Variants in NR2F1-AS1 observed in about 807,000 individuals in gnomAD.
The protein encoded by NR2F1-AS1 is NR2F1 regulatory antisense RNA 1, also known as NR2F1 antisense RNA 1.
chr5:93,581,716 CT>C (rs1326641334), upstream of NR2F1-AS1, among the ~76,000 whole-genome samples: 4 of 69,048 alleles, frequency 5.8e-5, no homozygotes, highest in African/African-American at 2.3e-4. Flanking sequence ...CTCTCTCTCT[CT>C]CTCTCTCTCT....
intron 2 of NR2F1-AS1, among the ~76,000 whole-genome samples, chr5:93,558,478 G>A (rs539677303): frequency 1.3e-5 from 2 of 151,846 alleles, no homozygotes; most frequent in African/African-American, 2.4e-5. Flanking sequence ...GTGCCACCAC[G>A]CCCAGCTAAT....
At chr5:93,494,636 C>T (rs530736095) in intron 4 of NR2F1-AS1, among the ~76,000 whole-genome samples, 13 of 152,072 alleles carry the variant, frequency 8.5e-5, no homozygotes, top group Non-Finnish European at 1.5e-4. Context: ...AAGTTGGCAA[C>T]GATGTATAGA....
intron 1 of NR2F1-AS1, among the ~76,000 whole-genome samples, chr5:93,566,364 G>C (rs954030897): frequency 4.6e-5 from 7 of 151,932 alleles, no homozygotes; most frequent in Admixed American, 4.6e-4. Flanking sequence ...ATTAGCACAT[G>C]ACAATATTAG....
intron 4 of NR2F1-AS1, among the ~76,000 whole-genome samples, chr5:93,513,374 C>T (rs1414849360): frequency 3.9e-5 from 6 of 152,066 alleles, no homozygotes; most frequent in African/African-American, 1.4e-4. Context: ...GTATGTTCAT[C>T]GCAGCACCAT....
intron 4 of NR2F1-AS1, among the ~76,000 whole-genome samples, chr5:93,493,284 T>A (rs576769444): frequency 9.2e-5 from 14 of 152,142 alleles, no homozygotes; most frequent in African/African-American, 3.1e-4. Flanking sequence ...CAATTCCATT[T>A]ACAATAGCAC....
At chr5:93,567,470 CAAG>C (rs1487798561) in intron 1 of NR2F1-AS1, among the ~76,000 whole-genome samples, 2 of 152,120 alleles carry the variant, frequency 1.3e-5, no homozygotes, top group Admixed American at 6.5e-5. Flanking sequence ...TTTATTTTTA[CAAG>C]AAGAAGCTGA....
intron 4 of NR2F1-AS1, among the ~76,000 whole-genome samples, chr5:93,522,469 A>C (rs1221747476): frequency 6.6e-6 from 1 of 152,250 alleles, no homozygotes; most frequent in East Asian, 1.9e-4. Context: ...AAAATACAAC[A>C]ATTACTAAAA....
intron 4 of NR2F1-AS1, among the ~76,000 whole-genome samples, chr5:93,500,590 C>T (rs1424520931): frequency 1.3e-5 from 2 of 152,174 alleles, no homozygotes; most frequent in East Asian, 3.8e-4. Context: ...AATACAACAT[C>T]CATTCTGCAG....
chr5:93,515,773 A>T (rs1309412231), intron 4 of NR2F1-AS1, among the ~76,000 whole-genome samples: 1 of 151,948 alleles, frequency 6.6e-6, no homozygotes, highest in African/African-American at 2.4e-5. Context: ...ATAATGCCAG[A>T]AGATCTTTCT....
chr5:93,489,060 G>C (rs943797842), intron 4 of NR2F1-AS1, among the ~76,000 whole-genome samples: 1 of 152,088 alleles, frequency 6.6e-6, no homozygotes, highest in Non-Finnish European at 1.5e-5. Flanking sequence ...AGAACACATG[G>C]ACACAGTGGG....
At chr5:93,459,927 T>C (rs1314039622) in intron 4 of NR2F1-AS1, among the ~76,000 whole-genome samples, 3 of 152,172 alleles carry the variant, frequency 2.0e-5, no homozygotes, top group African/African-American at 7.2e-5. Flanking sequence ...GATTCTACCA[T>C]ATGAAAATGC....
chr5:93,419,504 T>C (rs540150419), intron 4 of NR2F1-AS1, among the ~76,000 whole-genome samples: 15 of 152,280 alleles, frequency 9.9e-5, no homozygotes, highest in African/African-American at 3.1e-4. Context: ...AACTATAGTG[T>C]GTGAAGACAG....
intron 4 of NR2F1-AS1, among the ~76,000 whole-genome samples, chr5:93,473,965 AATT>A (rs1460524115): frequency 2.0e-5 from 3 of 152,072 alleles, no homozygotes; most frequent in Non-Finnish European, 4.4e-5. Context: ...CTTTGTAAAT[AATT>A]ATAAATTATA....
intron 4 of NR2F1-AS1, among the ~76,000 whole-genome samples, chr5:93,420,348 C>A (rs1357833780): frequency 6.6e-6 from 1 of 152,210 alleles, no homozygotes; most frequent in Non-Finnish European, 1.5e-5. Flanking sequence ...CCCACTTATT[C>A]ACCCCAAATT....
At chr5:93,461,984 TAAC>T (rs1750104619) in intron 4 of NR2F1-AS1, among the ~76,000 whole-genome samples, 2 of 152,210 alleles carry the variant, frequency 1.3e-5, no homozygotes, top group Non-Finnish European at 1.5e-5. Context: ...ACAAGTTCAA[TAAC>T]AATACCACCA....
intron 4 of NR2F1-AS1, among the ~76,000 whole-genome samples, chr5:93,466,770 A>G (rs1750241810): frequency 6.6e-6 from 1 of 152,160 alleles, no homozygotes; most frequent in Admixed American, 6.5e-5. Context: ...TCAAGTACTC[A>G]TTATGAAGGC....
intron 4 of NR2F1-AS1, among the ~76,000 whole-genome samples, chr5:93,490,123 A>G (rs551497339): frequency 1.2e-4 from 18 of 152,326 alleles, no homozygotes; most frequent in Non-Finnish European, 2.6e-4. Context: ...CTTGCTTGTT[A>G]AATAAATGAA....
chr5:93,549,472 T>C (rs1357556106), intron 4 of NR2F1-AS1, among the ~76,000 whole-genome samples: 1 of 152,162 alleles, frequency 6.6e-6, no homozygotes, highest in Non-Finnish European at 1.5e-5. Context: ...GCAGTACAAT[T>C]CTATGGTCCT....
intron 4 of NR2F1-AS1, among the ~76,000 whole-genome samples, chr5:93,456,085 G>GA (rs1405785196): frequency 1.3e-5 from 2 of 151,918 alleles, no homozygotes; most frequent in Non-Finnish European, 2.9e-5. Context: ...AAATCCTAGA[G>GA]AAAAAAATAA....
Sources: allele counts gnomAD v4.1 joint callset (sites outside exome capture counted in the v4.1 genomes callset), GRCh38; gene constraint gnomAD v4.1.1; transcripts MANE v1.5; gene names NCBI Gene and HGNC (gene_info 2026-07-23, HGNC 2026-07-21).